Variants in DRC11 observed in about 807,000 individuals in gnomAD.
The protein encoded by DRC11 is dynein regulatory complex subunit 11, also known as IQ and AAA domain-containing protein 1.
the DRC11 span, among the ~76,000 whole-genome samples, chr2:236,434,203 C>T: frequency 6.6e-6 from 1 of 152,120 alleles, no homozygotes; most frequent in Admixed American, 6.5e-5. The surrounding 1 kb of genome is among the most constrained non-coding windows in gnomAD (Gnocchi z 5.5). Flanking sequence ...GGAGACTGAT[C>T]TGTGTCTTTT....
At chr2:236,335,772 AAAG>A in the DRC11 span, among the ~76,000 whole-genome samples, 5 of 152,150 alleles carry the variant, frequency 3.3e-5, no homozygotes, top group African/African-American at 4.8e-5. The surrounding 1 kb of genome is among the most constrained non-coding windows in gnomAD (Gnocchi z 5.6). Context: ...AGGAAGAAAA[AAAG>A]AAGAACGCAT....
the DRC11 span, chr2:236,486,779 A>G: frequency 1.6e-6 from 2 of 1,212,290 alleles, no homozygotes; most frequent in South Asian, 2.6e-5. This position sits in a 1 kb window ranked among gnomAD's most constrained non-coding sequence, Gnocchi z 5.7. Flanking sequence ...AGTCTCACAT[A>G]TTCTATTGTC....
chr2:236,487,982 G>T, the DRC11 span: 2 of 1,521,484 alleles, frequency 1.3e-6, no homozygotes, highest in East Asian at 2.4e-5. Context: ...CCCAACTCCA[G>T]GAGCCCTAGG....
At chr2:236,478,124 T>C in the DRC11 span, among the ~76,000 whole-genome samples, 1,574 of 152,214 alleles carry the variant, frequency 0.01, 27 homozygotes, top group African/African-American at 0.036. This position sits in a 1 kb window ranked among gnomAD's most constrained non-coding sequence, Gnocchi z 5.9. Context: ...TTCTAGTACC[T>C]TGAGATGCAC....
At chr2:236,344,668 G>A in the DRC11 span, 6 of 1,557,550 alleles carry the variant, frequency 3.9e-6, no homozygotes, top group Non-Finnish European at 5.3e-6. Context: ...GCAGGGCCCT[G>A]GTTGTAAATG....
At chr2:236,318,546 AGTGT>A in the DRC11 span, among the ~76,000 whole-genome samples, 2 of 148,600 alleles carry the variant, frequency 1.3e-5, no homozygotes, top group Non-Finnish European at 2.9e-5. The surrounding 1 kb of genome is among the most constrained non-coding windows in gnomAD (Gnocchi z 7.0). Context: ...TATGTATATG[AGTGT>A]GTGTAGGGAG....
the DRC11 span, among the ~76,000 whole-genome samples, chr2:236,402,544 G>C: frequency 3.3e-5 from 5 of 152,334 alleles, no homozygotes; most frequent in Middle Eastern, 3.4e-3. This position sits in a 1 kb window ranked among gnomAD's most constrained non-coding sequence, Gnocchi z 6.0. Flanking sequence ...CACTTCATGG[G>C]GTGGGGGGGC....
chr2:236,317,619 T>C, the DRC11 span, among the ~76,000 whole-genome samples: 5 of 152,174 alleles, frequency 3.3e-5, no homozygotes, highest in Admixed American at 2.6e-4. This position sits in a 1 kb window ranked among gnomAD's most constrained non-coding sequence, Gnocchi z 5.4. Flanking sequence ...CCACTTTACA[T>C]TTTGCTAGTT....
At chr2:236,331,541 C>T in the DRC11 span, 20 of 1,613,842 alleles carry the variant, frequency 1.2e-5, no homozygotes. This position sits in a 1 kb window ranked among gnomAD's most constrained non-coding sequence, Gnocchi z 4.8. Context: ...AGGCAGCTGA[C>T]ATTCAAGGCA....
chr2:236,321,460 T>C, the DRC11 span, among the ~76,000 whole-genome samples: 3 of 152,224 alleles, frequency 2.0e-5, no homozygotes, highest in African/African-American at 4.8e-5. Context: ...AATATGAGTA[T>C]GTGTGTGAGT....
chr2:236,342,182 C>T, the DRC11 span, among the ~76,000 whole-genome samples: 2 of 152,188 alleles, frequency 1.3e-5, no homozygotes, highest in Admixed American at 6.5e-5. The surrounding 1 kb of genome is among the most constrained non-coding windows in gnomAD (Gnocchi z 5.8). Flanking sequence ...AGGGCAAGGT[C>T]GGCCCTGCTG....
chr2:236,323,619 C>A, the DRC11 span, among the ~76,000 whole-genome samples: 1 of 152,176 alleles, frequency 6.6e-6, no homozygotes. The surrounding 1 kb of genome is among the most constrained non-coding windows in gnomAD (Gnocchi z 6.4). Flanking sequence ...ATGATCCAAG[C>A]CACTGGGAAT....
the DRC11 span, among the ~76,000 whole-genome samples, chr2:236,475,135 C>T: frequency 1.3e-5 from 2 of 152,136 alleles, no homozygotes; most frequent in Non-Finnish European, 2.9e-5. The surrounding 1 kb of genome is among the most constrained non-coding windows in gnomAD (Gnocchi z 4.8). Context: ...CCCTCACCCA[C>T]CTGCCCTTCC....
At chr2:236,424,222 A>G in the DRC11 span, among the ~76,000 whole-genome samples, 2 of 152,196 alleles carry the variant, frequency 1.3e-5, no homozygotes, top group African/African-American at 4.8e-5. Flanking sequence ...CAGAAATGTA[A>G]AGACTTAAAA....
chr2:236,384,072 C>T, the DRC11 span, among the ~76,000 whole-genome samples: 4 of 152,056 alleles, frequency 2.6e-5, no homozygotes, highest in African/African-American at 9.7e-5. Context: ...CATTGTTGGA[C>T]ATTTGGGTTG....
chr2:236,420,291 G>T, the DRC11 span, among the ~76,000 whole-genome samples: 1 of 152,168 alleles, frequency 6.6e-6, no homozygotes, highest in Non-Finnish European at 1.5e-5. This position sits in a 1 kb window ranked among gnomAD's most constrained non-coding sequence, Gnocchi z 4.8. Flanking sequence ...TAACCAGGAT[G>T]AATTTCATAA....
the DRC11 span, among the ~76,000 whole-genome samples, chr2:236,472,069 T>C: frequency 7.2e-5 from 11 of 152,338 alleles, no homozygotes; most frequent in Non-Finnish European, 1.3e-4. This position sits in a 1 kb window ranked among gnomAD's most constrained non-coding sequence, Gnocchi z 4.6. Context: ...AGTAACTAGA[T>C]TGCAAAATCC....
the DRC11 span, among the ~76,000 whole-genome samples, chr2:236,421,559 C>T: frequency 2.0e-5 from 3 of 152,072 alleles, no homozygotes; most frequent in Admixed American, 2.0e-4. Flanking sequence ...GAAATTGAGG[C>T]AATAATTAAT....
chr2:236,503,566 G>T, the DRC11 span: 1 of 1,415,256 alleles, frequency 7.1e-7, no homozygotes, highest in Non-Finnish European at 9.8e-7. The surrounding 1 kb of genome is among the most constrained non-coding windows in gnomAD (Gnocchi z 4.9). Context: ...GGGAGACCAG[G>T]CAAAGATTCC....
Sources: gnomAD v4.1 joint callset for allele counts (sites outside exome capture counted in the v4.1 genomes callset) on GRCh38, gnomAD v4.1.1 for gene constraint, Gnocchi (gnomAD v3.1) non-coding constraint, MANE v1.5 for transcripts, NCBI Gene and HGNC (gene_info 2026-07-23, HGNC 2026-07-21) for gene names.